Variants in PBX1 observed in about 807,000 individuals in gnomAD.
The protein encoded by PBX1 is PBX homeobox 1.
In PBX1, 6 loss-of-function variants were observed where a neutral mutation model predicts 53.4. The ratio of observed to expected loss-of-function variants is 0.11; its 90% CI spans 0.06 to 0.22. PBX1 has a LOEUF of 0.22. Ranked by LOEUF, PBX1 falls within the 10% of genes least tolerant of loss-of-function variation. The pLI is 1.00. For synonymous variants in PBX1, 204 were observed against 212.3 expected (o/e 0.96, Z 0.34); for missense variants, 251 against 551.4 (o/e 0.46, Z 5.46).
intron 2 of PBX1, among the ~76,000 whole-genome samples, chr1:164,645,637 A>G (rs1659408216): frequency 6.6e-6 from 1 of 152,148 alleles, no homozygotes; most frequent in Non-Finnish European, 1.5e-5. Flanking sequence ...ATTGAGGACA[A>G]AGTAAGGGGA....
chr1:164,685,415 C>T (rs1662039246), intron 2 of PBX1, among the ~76,000 whole-genome samples: 2 of 152,176 alleles, frequency 1.3e-5, no homozygotes, highest in South Asian at 4.1e-4. Flanking sequence ...GACAAGTTTA[C>T]TTCAACAAAT....
intron 2 of PBX1, among the ~76,000 whole-genome samples, chr1:164,690,609 G>A (rs1170492986): frequency 2.8e-5 from 4 of 143,426 alleles, no homozygotes; most frequent in Non-Finnish European, 4.5e-5. Context: ...TCTAAAAGAA[G>A]AAAAAATTTA....
chr1:164,734,174 A>G lies in PBX1; in HGVS notation c.266-58320A>G, dbSNP rs558851200. ...CATTTCAAATACGTTGGATCCTACC[A>G]CTATGTACTTTGGAGTTATCTCCTT... On this transcript the variant is annotated intron_variant, in intron 2 of 8. Transcript: ENST00000420696. Among the ~76,000 whole-genome samples the G allele has an allele frequency of 1.4e-4, 22 of 152,322 alleles. 1 individual carries two copies. The South Asian group carries it at 4.1e-3, about 29-fold the overall frequency.
chr1:164,691,011 C>CTTTTT (rs386368555), intron 2 of PBX1, among the ~76,000 whole-genome samples: 128 of 106,474 alleles, frequency 1.2e-3, no homozygotes, highest in Non-Finnish European at 1.4e-3. Context: ...GTTGTTAAAT[C>CTTTTT]TTTTTTTTTT....
intron 6 of PBX1, 66 bp from the exon 7 acceptor site, chr1:164,820,006 C>A: frequency 1.1e-6 from 1 of 878,324 alleles, no homozygotes; most frequent in South Asian, 1.5e-5. Context: ...TTCCTCTTGG[C>A]TGTTAGTTGC....
intron 2 of PBX1, among the ~76,000 whole-genome samples, chr1:164,702,585 G>A (rs1212318864): frequency 6.6e-6 from 1 of 152,094 alleles, no homozygotes; most frequent in East Asian, 1.9e-4. Context: ...CCATGAACAG[G>A]GTGTCACGCA....
chr1:164,867,491 AC>A (rs1672245345), intron 2 of PBX1, among the ~76,000 whole-genome samples: 1 of 152,220 alleles, frequency 6.6e-6, no homozygotes, highest in Non-Finnish European at 1.5e-5. Flanking sequence ...AAATTCATGC[AC>A]AGGTGCCCAA....
At chr1:164,864,169 A>T (rs1672162983) in intron 2 of PBX1, among the ~76,000 whole-genome samples, 1 of 151,964 alleles carries the variant, frequency 6.6e-6, no homozygotes, top group African/African-American at 2.4e-5. Context: ...GGGAGGGAAG[A>T]TGTGGGTCAC....
chr1:164,681,709 A>G (rs1409078259), intron 2 of PBX1, among the ~76,000 whole-genome samples: 1 of 152,208 alleles, frequency 6.6e-6, no homozygotes, highest in Non-Finnish European at 1.5e-5. Context: ...GAGGACTGAA[A>G]AACTACCTAT....
At chr1:164,601,691 C>T (rs921831996) in intron 2 of PBX1, among the ~76,000 whole-genome samples, 1 of 152,198 alleles carries the variant, frequency 6.6e-6, no homozygotes, top group African/African-American at 2.4e-5. Context: ...CAGTCCCTGT[C>T]ACCTGCCTCA....
chr1:164,685,079 C>T (rs1166659514), intron 2 of PBX1: 1 of 152,160 alleles, frequency 6.6e-6, no homozygotes, highest in African/African-American at 2.4e-5. Flanking sequence ...TAATGACTTC[C>T]TCAAGGACAC....
chr1:164,564,127 A>G (rs1653260854), intron 2 of PBX1: 1 of 152,130 alleles, frequency 6.6e-6, no homozygotes, highest in Non-Finnish European at 1.5e-5. Flanking sequence ...TTGTAAGAAG[A>G]AAGATTTGAG....
intron 2 of PBX1, among the ~76,000 whole-genome samples, chr1:164,673,843 T>G (rs991947878): frequency 7.9e-5 from 12 of 152,130 alleles, no homozygotes; most frequent in Non-Finnish European, 1.3e-4. Context: ...GACAGACTTG[T>G]GGTTTGCTGG....
chr1:164,606,463 G>A (rs766615156), intron 2 of PBX1, among the ~76,000 whole-genome samples: 2 of 152,100 alleles, frequency 1.3e-5, no homozygotes, highest in Non-Finnish European at 2.9e-5. Context: ...AACCTGGGAG[G>A]CGGAGGTTGC....
intron 2 of PBX1, among the ~76,000 whole-genome samples, chr1:164,710,919 C>T (rs374214386): frequency 1.3e-5 from 2 of 152,192 alleles, no homozygotes; most frequent in African/African-American, 4.8e-5. Context: ...TCCTCCAAGT[C>T]CCACCTGCTG....
intron 2 of PBX1, among the ~76,000 whole-genome samples, chr1:164,713,922 G>A (rs1663938939): frequency 1.3e-5 from 2 of 152,118 alleles, no homozygotes; most frequent in African/African-American, 4.8e-5. Context: ...AGGATTCAAA[G>A]CCATTTCTTC....
chr1:164,767,346 C>T (rs1035960490), intron 2 of PBX1, among the ~76,000 whole-genome samples: 2 of 152,130 alleles, frequency 1.3e-5, no homozygotes, highest in African/African-American at 4.8e-5. Flanking sequence ...CCTGGGGTTC[C>T]ACACAGGTCT....
intron 2 of PBX1, among the ~76,000 whole-genome samples, chr1:164,867,655 A>T (rs745476499): frequency 1.3e-5 from 2 of 152,218 alleles, no homozygotes; most frequent in Non-Finnish European, 2.9e-5. Context: ...AAGAATTATA[A>T]ATAAACCCCA....
At chr1:164,643,698 G>A (rs1438653374) in intron 2 of PBX1, among the ~76,000 whole-genome samples, 2 of 152,136 alleles carry the variant, frequency 1.3e-5, no homozygotes, top group East Asian at 3.8e-4. Context: ...TATTTTATAT[G>A]AATTAATCTA....
Sources: gnomAD v4.1 joint callset for allele counts (sites outside exome capture counted in the v4.1 genomes callset) on GRCh38, gnomAD v4.1.1 for gene constraint, MANE v1.5 for transcripts, NCBI Gene and HGNC (gene_info 2026-07-23, HGNC 2026-07-21) for gene names.